The following GABRB1 variants were observed in gnomAD, a reference collection of about 807,000 sequenced individuals.
GABRB1 encodes the protein gamma-aminobutyric acid type A receptor subunit beta1.
In GABRB1, 17 loss-of-function variants were observed where a neutral mutation model predicts 51.6. The observed-to-expected ratio is 0.33, with a 90% CI of 0.23 to 0.49. GABRB1 has a LOEUF of 0.49. GABRB1 is among the 20% of genes least tolerant of loss of function. The pLI, the probability that GABRB1 is intolerant of heterozygous loss-of-function variation, is 0.99. For synonymous variants in GABRB1, 247 were observed against 218.9 expected, an observed-to-expected ratio of 1.13 and a Z score of -1.14; for missense variants, 410 against 600.6, an observed-to-expected ratio of 0.68 and a Z score of 3.32.
intron 3 of GABRB1, among the ~76,000 whole-genome samples, chr4:47,092,912 C>T (rs1714154838): frequency 1.3e-5 from 2 of 152,150 alleles, no homozygotes; most frequent in South Asian, 4.1e-4. Context: ...TGCGTCCCGC[C>T]GGCATACCAG....
chr4:47,074,859 G>A (rs1008269780), intron 3 of GABRB1, among the ~76,000 whole-genome samples: 6 of 152,314 alleles, frequency 3.9e-5, no homozygotes, highest in Non-Finnish European at 7.4e-5. Context: ...AGTACCAAAA[G>A]TAACTAAGTG....
intron 4 of GABRB1, among the ~76,000 whole-genome samples, chr4:47,198,207 G>T (rs1437016549): frequency 2.0e-5 from 3 of 152,142 alleles, no homozygotes; most frequent in East Asian, 1.9e-4. Context: ...CAATGTTTTG[G>T]TGAGCTGAAG....
At chr4:47,226,523 T>C (rs1194580497) in intron 4 of GABRB1, among the ~76,000 whole-genome samples, 1 of 152,122 alleles carries the variant, frequency 6.6e-6, no homozygotes, top group East Asian at 1.9e-4. Flanking sequence ...CCTGTTTTAT[T>C]CTTACTTCAG....
At chr4:47,141,946 T>C (rs1177804895) in intron 3 of GABRB1, among the ~76,000 whole-genome samples, 1 of 151,912 alleles carries the variant, frequency 6.6e-6, no homozygotes, top group Non-Finnish European at 1.5e-5. Flanking sequence ...CTGGATTATG[T>C]ACTAATTCAG....
chr4:47,330,543 A>G (rs903474742), intron 5 of GABRB1, among the ~76,000 whole-genome samples: 2 of 152,210 alleles, frequency 1.3e-5, no homozygotes, highest in African/African-American at 4.8e-5. Flanking sequence ...AGCAGTGTTC[A>G]TTCATGAAAT....
intron 4 of GABRB1, among the ~76,000 whole-genome samples, chr4:47,260,504 T>G (rs1433739248): frequency 2.0e-5 from 3 of 152,184 alleles, no homozygotes; most frequent in Non-Finnish European, 2.9e-5. Context: ...CTTCAGGAGC[T>G]CTTTTAGGGC....
chr4:47,261,565 A>G (rs1722438074), intron 4 of GABRB1, among the ~76,000 whole-genome samples: 2 of 152,144 alleles, frequency 1.3e-5, no homozygotes, highest in East Asian at 1.9e-4. Flanking sequence ...ATGGAAGAAC[A>G]TTCCATGCTC....
chr4:47,383,949 T>G (rs1179605240), intron 5 of GABRB1, among the ~76,000 whole-genome samples: 1 of 152,156 alleles, frequency 6.6e-6, no homozygotes, highest in East Asian at 1.9e-4. Context: ...CATGAAAACC[T>G]AAAACTCCTG....
chr4:47,268,506 A>T (rs1722727828), intron 4 of GABRB1, among the ~76,000 whole-genome samples: 1 of 152,166 alleles, frequency 6.6e-6, no homozygotes, highest in Admixed American at 6.5e-5. Flanking sequence ...ATTAAAATGA[A>T]ATTTGATTTA....
At chr4:47,190,881 G>A (rs1457884145) in intron 4 of GABRB1, among the ~76,000 whole-genome samples, 1 of 152,154 alleles carries the variant, frequency 6.6e-6, no homozygotes, top group Non-Finnish European at 1.5e-5. Context: ...CTTAGTCTAT[G>A]CCAATGACTG....
chr4:47,031,188 G>C (rs183040032), upstream of GABRB1, among the ~76,000 whole-genome samples: 1 of 151,760 alleles, frequency 6.6e-6, no homozygotes, highest in East Asian at 1.9e-4. Flanking sequence ...CCCGGTGCCC[G>C]CCACAGGCAA....
intron 3 of GABRB1, among the ~76,000 whole-genome samples, chr4:47,120,075 C>CA (rs1033090115): frequency 6.6e-6 from 1 of 151,666 alleles, no homozygotes; most frequent in African/African-American, 2.4e-5. Context: ...TCATGATCTG[C>CA]AGGAAAAAAT....
At chr4:47,037,512 T>C (rs1725632491) in intron 3 of GABRB1, among the ~76,000 whole-genome samples, 1 of 151,556 alleles carries the variant, frequency 6.6e-6, no homozygotes, top group Admixed American at 6.6e-5. Context: ...TGTTTGGAGA[T>C]AGCATATATA....
intron 4 of GABRB1, among the ~76,000 whole-genome samples, chr4:47,301,515 T>C (rs1392630635): frequency 6.6e-6 from 1 of 151,554 alleles, no homozygotes; most frequent in Non-Finnish European, 1.5e-5. Flanking sequence ...GTGCCTGTAG[T>C]CCCAGCTACT....
intron 4 of GABRB1, among the ~76,000 whole-genome samples, chr4:47,199,952 T>A (rs1719836121): frequency 6.6e-6 from 1 of 152,180 alleles, no homozygotes; most frequent in Non-Finnish European, 1.5e-5. Context: ...CTCCAGCTAC[T>A]TTTGGCCACC....
intron 1 of GABRB1, among the ~76,000 whole-genome samples, chr4:46,994,985 G>C (rs1324360107): frequency 6.6e-6 from 1 of 152,170 alleles, no homozygotes; most frequent in African/African-American, 2.4e-5. Context: ...GCAGTAGCTA[G>C]AGCTCCGTGC....
chr4:47,264,534 G>A (rs1053977603), intron 4 of GABRB1, among the ~76,000 whole-genome samples: 2 of 152,218 alleles, frequency 1.3e-5, no homozygotes, highest in African/African-American at 4.8e-5. Context: ...TGTCTTTAAA[G>A]AAACTGAAAC....
intron 4 of GABRB1, among the ~76,000 whole-genome samples, chr4:47,269,961 C>CAT (rs1722795540): frequency 1.3e-5 from 2 of 151,866 alleles, no homozygotes; most frequent in Admixed American, 1.3e-4. Context: ...CACACACACA[C>CAT]ACACACACAC....
chr4:47,287,016 A>G (rs1029812120), intron 4 of GABRB1, among the ~76,000 whole-genome samples: 3 of 151,650 alleles, frequency 2.0e-5, no homozygotes, highest in African/African-American at 7.3e-5. Context: ...GCTGGGTTTA[A>G]ACTACATCTT....
Sources: gnomAD v4.1 joint callset for allele counts (sites outside exome capture counted in the v4.1 genomes callset) on GRCh38, gnomAD v4.1.1 for gene constraint, MANE v1.5 for transcripts, NCBI Gene and HGNC (gene_info 2026-07-23, HGNC 2026-07-21) for gene names.